The following TBC1D8 variants were observed in gnomAD, a reference collection of about 807,000 sequenced individuals.
The protein encoded by TBC1D8 is BUB2-like protein 1.
TBC1D8 carries 65 observed loss-of-function variants against 118.8 expected under a neutral mutation model. The ratio of observed to expected loss-of-function variants is 0.55; its 90% confidence interval spans 0.45 to 0.67. TBC1D8 has a LOEUF of 0.67. Among genes scored for constraint, TBC1D8 ranks in the 30% least tolerant of loss-of-function variants. The pLI, the probability that TBC1D8 is intolerant of heterozygous loss-of-function variation, is 0.00. For missense variants in TBC1D8, 1,376 were observed against 1,471.2 expected (o/e 0.94, Z 1.06); for synonymous variants, 566 against 595.8 (o/e 0.95, Z 0.73).
rs771242060 is a variant in TBC1D8 at position 101,022,417 on chromosome 2, C to T, written c.2625G>A (p.Gln875=). ...AGACTAGCTGAAACAGGTGTGCAAA[C>T]TGCCGGGCATCTATGCGGTACTGCT... ...YAEQYRIDAR[Q]FAHLFQLVSP... is the part of the protein sequence containing the mutation. The change falls in exon 16 of 20, where the codon CAG becomes CAA. Residue 875 remains glutamine (Q), a synonymous_variant. Transcript: ENST00000409318. 1.2e-5 allele frequency: 20 copies of T among 1,613,194 alleles called. No individual in the cohort carries two copies. The Admixed American group carries it at 2.7e-4, about 22-fold the overall frequency.
chr2:101,056,316 GC>G, intron 3 of TBC1D8, among the ~76,000 whole-genome samples: 1 of 151,112 alleles, frequency 6.6e-6, no homozygotes, highest in East Asian at 2.0e-4. Flanking sequence ...CCATTCTCCT[GC>G]CTCAGTCTCC....
At chr2:101,040,815 G>A (rs1681340359) in intron 5 of TBC1D8, among the ~76,000 whole-genome samples, 1 of 152,248 alleles carries the variant, frequency 6.6e-6, no homozygotes, top group South Asian at 2.1e-4. Flanking sequence ...ATTTAAGTGA[G>A]TGCAAAAAGG....
At chr2:101,056,129 C>T (rs925656963) in intron 3 of TBC1D8, among the ~76,000 whole-genome samples, 1 of 151,096 alleles carries the variant, frequency 6.6e-6, no homozygotes, top group Non-Finnish European at 1.5e-5. Context: ...AAACCCTGCA[C>T]TACTTTATAA....
At position 101,090,605 on chromosome 2, in the gene TBC1D8, G is replaced by A. The variant is rs539913998; in HGVS notation, c.128-241C>T. 7.9e-5 allele frequency among the ~76,000 whole-genome samples: 12 copies of A among 152,340 alleles called. No individual in the cohort carries two copies. In the East Asian group the frequency reaches 2.3e-3, roughly 29 times the overall value. ...ACTCATTTGCTCAATCAATGAAGAG[G>A]TGAACAAAGGGTGCTGAACCAGTCG... is the stretch of plus-strand genomic sequence containing the variant. On this transcript the variant is annotated intron_variant, in intron 1 of 19. Transcript: ENST00000409318.
intron 1 of TBC1D8, among the ~76,000 whole-genome samples, chr2:101,110,191 G>A (rs778353769): frequency 4.6e-5 from 7 of 152,230 alleles, no homozygotes; most frequent in Non-Finnish European, 8.8e-5. Flanking sequence ...GATGCACAGT[G>A]ATGGTACTAA....
At chr2:101,101,277 C>T (rs1255955597) in intron 1 of TBC1D8, among the ~76,000 whole-genome samples, 1 of 152,148 alleles carries the variant, frequency 6.6e-6, no homozygotes, top group Admixed American at 6.5e-5. Context: ...ATTTACGCAG[C>T]CAACAAACGT....
At chr2:101,116,529 C>T (rs1158112442) in intron 1 of TBC1D8, among the ~76,000 whole-genome samples, 1 of 152,042 alleles carries the variant, frequency 6.6e-6, no homozygotes, top group Non-Finnish European at 1.5e-5. Flanking sequence ...CAACTCGCCC[C>T]TTCCAAAAAA....
intron 16 of TBC1D8, 60 bp downstream of exon 16, chr2:101,022,221 T>C: frequency 1.2e-6 from 2 of 1,607,776 alleles, no homozygotes; most frequent in Non-Finnish European, 1.7e-6. Flanking sequence ...ATCCACTTTG[T>C]GTTCTGCTCA....
intron 2 of TBC1D8, among the ~76,000 whole-genome samples, chr2:101,076,127 CA>C: frequency 6.6e-6 from 1 of 152,296 alleles, no homozygotes; most frequent in Admixed American, 6.5e-5. Context: ...CAAAAGGAGG[CA>C]TTTTACCCCA....
intron 9 of TBC1D8, among the ~76,000 whole-genome samples, chr2:101,034,588 C>T (rs1425317872): frequency 6.6e-6 from 1 of 152,168 alleles, no homozygotes; most frequent in Non-Finnish European, 1.5e-5. Flanking sequence ...TGAATGCGTC[C>T]CTTATGAAAA....
chr2:101,145,244 T>C (rs1434739825), intron 1 of TBC1D8, among the ~76,000 whole-genome samples: 1 of 152,228 alleles, frequency 6.6e-6, no homozygotes, highest in Non-Finnish European at 1.5e-5. Context: ...AATGCAACTC[T>C]TGGAAACCTC....
intron 1 of TBC1D8, among the ~76,000 whole-genome samples, chr2:101,150,780 G>A (rs993290924): frequency 3.9e-5 from 6 of 152,146 alleles, no homozygotes; most frequent in Admixed American, 3.9e-4. Context: ...CCACACAGCA[G>A]CCTCGCTGCT....
intron 1 of TBC1D8, among the ~76,000 whole-genome samples, chr2:101,144,126 C>T (rs1338157239): frequency 6.6e-6 from 1 of 152,326 alleles, no homozygotes; most frequent in Non-Finnish European, 1.5e-5. Context: ...CAAGATTGTA[C>T]TACTTGATGT....
chr2:101,151,011 C>T lies in TBC1D8; in HGVS notation c.127+116G>A, dbSNP rs557156270. The T allele has an allele frequency of 6.0e-4, 455 of 752,364 alleles. 4 individuals are homozygous for T. The African/African-American group carries it at 8.0e-3, about 13-fold the overall frequency. The allele number at this position is 752,364 out of a possible 1,614,324, so 46.6% of individuals were successfully genotyped here. ...AAGCCCGCGGCAGGGCCGTCCGGGC[C>T]CCGCGTCTCCCAAGAAATCGCCTCT... On this transcript the variant is annotated intron_variant, in intron 1 of 19. Transcript: ENST00000409318.
At chr2:101,044,283 A>T (rs1681565374) in intron 5 of TBC1D8, among the ~76,000 whole-genome samples, 1 of 152,266 alleles carries the variant, frequency 6.6e-6, no homozygotes, top group African/African-American at 2.4e-5. Flanking sequence ...TATGTATTAT[A>T]TACAAGATAG....
At chr2:101,120,169 G>A (rs139056193) in intron 1 of TBC1D8, among the ~76,000 whole-genome samples, 3 of 152,270 alleles carry the variant, frequency 2.0e-5, no homozygotes, top group Non-Finnish European at 4.4e-5. Flanking sequence ...ACAGAGAGCA[G>A]CTTGAAGACC....
At chr2:101,095,233 C>T (rs1369535535) in intron 1 of TBC1D8, among the ~76,000 whole-genome samples, 2 of 142,090 alleles carry the variant, frequency 1.4e-5, no homozygotes, top group African/African-American at 5.3e-5. Flanking sequence ...GGCCAACGCA[C>T]CAGAGAAGTA....
At chr2:101,116,085 A>C (rs557950126) in intron 1 of TBC1D8, among the ~76,000 whole-genome samples, 1 of 152,340 alleles carries the variant, frequency 6.6e-6, no homozygotes, top group South Asian at 2.1e-4. Flanking sequence ...AAAAATAAAT[A>C]TAAGAAAAAT....
At chr2:101,081,285 G>A (rs982794395) in intron 2 of TBC1D8, among the ~76,000 whole-genome samples, 7 of 152,118 alleles carry the variant, frequency 4.6e-5, no homozygotes, top group African/African-American at 1.7e-4. Flanking sequence ...TGGCACCCCT[G>A]CACCCCACAA....
Sources: gnomAD v4.1 joint callset for allele counts (sites outside exome capture counted in the v4.1 genomes callset) on GRCh38, gnomAD v4.1.1 for gene constraint, MANE v1.5 for transcripts, NCBI Gene and HGNC (gene_info 2026-07-23, HGNC 2026-07-21) for gene names.